Variants in KBTBD11 observed in about 807,000 individuals in gnomAD.
The protein encoded by KBTBD11 is kelch repeat and BTB domain-containing protein 11.
For synonymous variants in KBTBD11, 747 were observed against 499.0 expected (o/e 1.50, Z -6.63); for missense variants, 1,390 against 1,001.8 (o/e 1.39, Z -5.23).
rs1369516957 is a variant in KBTBD11 at position 2,002,734 on chromosome 8, G to A, written c.1542G>A (p.Ala514=). Residue 514 remains alanine, a synonymous_variant, in exon 2 of 2, where the codon GCG becomes GCA. Transcript: ENST00000320248. This position sits in a 1 kb window ranked among gnomAD's most constrained non-coding sequence, Gnocchi z 4.1. The part of the protein sequence containing the change: ...RFDLSGSRGE[A]QAAGPSGVSV... ...ATCTGAGCGGCAGCCGCGGCGAGGC[G>A]CAGGCGGCGGGGCCGAGCGGGGTCA... is the stretch of plus-strand genomic sequence containing the variant. 1 of 1,503,476 alleles carries A rather than the reference G, an allele frequency of 6.7e-7. No homozygotes were observed. The allele number at this position is 1,503,476 out of a possible 1,614,324, so 93.1% of individuals were successfully genotyped here. A position where few individuals can be genotyped will look rare whatever the true frequency, so the allele number is the denominator to read the frequency against.
chr8:1,984,995 C>A (rs10098493), intron 1 of KBTBD11, among the ~76,000 whole-genome samples: 131,458 of 152,188 alleles, frequency 0.86, 57,660 homozygotes, highest in East Asian at 1. Flanking sequence ...GTGGAATGGC[C>A]TGGCAGTCTG....
intron 1 of KBTBD11, chr8:1,974,337 C>A (rs886663191): frequency 1.0e-6 from 1 of 984,716 alleles, no homozygotes; most frequent in Non-Finnish European, 1.2e-6. Flanking sequence ...CAGTCACCGC[C>A]CCCGCCGAGG....
At chr8:1,982,136 A>C (rs1816559097) in intron 1 of KBTBD11, among the ~76,000 whole-genome samples, 1 of 152,238 alleles carries the variant, frequency 6.6e-6, no homozygotes, top group Admixed American at 6.5e-5. Flanking sequence ...GGCAGGAGTT[A>C]AAAGTATAGA....
intron 1 of KBTBD11, chr8:1,974,813 C>A (rs575708168): frequency 2.3e-6 from 1 of 442,754 alleles, no homozygotes; most frequent in South Asian, 9.5e-5. Context: ...TCCCCCTCCA[C>A]CCACTCCAGT....
Position 2,002,949 on chromosome 8 carries a change from G to C in KBTBD11, c.1757G>C (p.Gly586Ala). Residue 586 changes from glycine (G) to alanine (A), a missense_variant, in exon 2 of 2, where the codon GGC (glycine) becomes GCC (alanine). Transcript: ENST00000320248. The surrounding 1 kb of genome is among the most constrained non-coding windows in gnomAD (Gnocchi z 4.1). The part of the protein sequence containing the change: ...AREGEAGGDA[G>A]QGGGFEALGA... ...GAAGGCGAGGCCGGCGGCGACGCAG[G>C]CCAGGGCGGCGGCTTCGAGGCGCTG... is the stretch of plus-strand genomic sequence containing the variant. 7.6e-7 allele frequency: 1 copy of C among 1,320,058 alleles called. No individual in the cohort carries two copies. 81.8% of individuals were successfully genotyped at this position (1,320,058 alleles called of 1,614,324 possible).
In KBTBD11 at chr8:2,003,145, T is replaced by TG. The variant is rs1817463190; in HGVS notation, c.*85dup. ...TTTGGGCCCGCGGAGGAGGACGTGG[T>TG]GGGGAGTCGGGGCCGCTGGCCACGC... On this transcript the variant is annotated 3_prime_UTR_variant, in exon 2 of 2. Transcript: ENST00000320248. The TG allele has an allele frequency of 8.0e-7, 1 of 1,246,974 alleles. No homozygotes were observed. The highest frequency in any genetic ancestry group is 1.6e-5 in the African/African-American group (1 of 64,120). The allele number at this position is 1,246,974 out of a possible 1,614,324, so 77.2% of individuals were successfully genotyped here.
In KBTBD11 at chr8:2,003,176, G is replaced by T; in HGVS notation, c.*112G>T. 8.0e-7 allele frequency: 1 copy of T among 1,244,080 alleles called. No homozygotes were observed. The highest frequency in any genetic ancestry group is 1.0e-6 in the Non-Finnish European group (1 of 986,166). The allele number at this position is 1,244,080 out of a possible 1,614,324, so 77.1% of individuals were successfully genotyped here. ...GTCGGGGCCGCTGGCCACGCTGGTG[G>T]TTTGGACACTTCGAAGGAGCCCCGA... On this transcript the variant is annotated 3_prime_UTR_variant, in exon 2 of 2. Transcript: ENST00000320248.
At chr8:1,993,226 C>T (rs1816982919) in intron 1 of KBTBD11, among the ~76,000 whole-genome samples, 1 of 152,118 alleles carries the variant, frequency 6.6e-6, no homozygotes, top group Non-Finnish European at 1.5e-5. Context: ...GGATTACAGT[C>T]ATGAGCCACC....
intron 1 of KBTBD11, among the ~76,000 whole-genome samples, chr8:1,984,923 A>G (rs1333920198): frequency 1.3e-5 from 2 of 152,200 alleles, no homozygotes; most frequent in Non-Finnish European, 2.9e-5. Context: ...GCAAAGCCCA[A>G]CATAAGGGTG....
Position 1,994,095 on chromosome 8 carries a change from C to G in KBTBD11, c.-908-6190C>G, listed in dbSNP as rs377530798. ...ATACTTCGTTTACCGGCCTACGGAG[C>G]TTAGACTTCAAGAATATCTATTGTA... On this transcript the variant is annotated intron_variant, in intron 1 of 1. Transcript: ENST00000320248. Among the ~76,000 whole-genome samples, 17 of 152,240 alleles carry G rather than the reference C, an allele frequency of 1.1e-4. No homozygotes were observed. In the East Asian group the frequency reaches 3.3e-3, roughly 29 times the overall value.
chr8:1,977,649 G>C (rs1373250086), intron 1 of KBTBD11, among the ~76,000 whole-genome samples: 1 of 151,870 alleles, frequency 6.6e-6, no homozygotes, highest in East Asian at 1.9e-4. Context: ...TCAGTCTCTC[G>C]AGTAGCTGGG....
At position 2,006,347 on chromosome 8, in the gene KBTBD11, G is replaced by C. The variant is rs1359865051; in HGVS notation, c.*3283G>C. 6 of 167,032 alleles carry C rather than the reference G, an allele frequency of 3.6e-5. No individual in the cohort carries two copies. Among genetic ancestry groups the C allele is most frequent in the Non-Finnish European group, 8.8e-5 (6 of 68,112 alleles). 10.3% of individuals were successfully genotyped at this position (167,032 alleles called of 1,614,324 possible). A position where few individuals can be genotyped will look rare whatever the true frequency, so the allele number is the denominator to read the frequency against. On this transcript the variant is annotated 3_prime_UTR_variant, in exon 2 of 2. Transcript: ENST00000320248. ...CATAATCTCTTGTAAGATCTAAATAGAGCAAATGTAAACAAAAGTGCATTT... is the reference window on the plus strand; with the variant it reads ...CATAATCTCTTGTAAGATCTAAATACAGCAAATGTAAACAAAAGTGCATTT...
intron 1 of KBTBD11, among the ~76,000 whole-genome samples, chr8:1,991,613 C>T (rs73538631): frequency 0.013 from 2,048 of 152,252 alleles, 72 homozygotes; most frequent in African/African-American, 0.047. Context: ...AGAGGCTTTG[C>T]TCTCCCCACA....
At chr8:1,974,876 A>G (rs1190829904) in intron 1 of KBTBD11, 1 of 220,490 alleles carries the variant, frequency 4.5e-6, no homozygotes, top group Non-Finnish European at 7.7e-6. Flanking sequence ...GCTTTATTCT[A>G]CTCAGCCCAC....
chr8:1,990,278 ATGC>A (rs1418732741), intron 1 of KBTBD11, among the ~76,000 whole-genome samples: 1 of 115,064 alleles, frequency 8.7e-6, no homozygotes. Context: ...GTCTGGGTAG[ATGC>A]TGCTGGGCCT....
At chr8:1,978,462 C>A (rs1461621614) in intron 1 of KBTBD11, among the ~76,000 whole-genome samples, 1 of 152,206 alleles carries the variant, frequency 6.6e-6, no homozygotes, top group Non-Finnish European at 1.5e-5. Context: ...CCCTCGGGGA[C>A]CTTCCCCTGT....
rs1817578952 is a variant in KBTBD11, at chr8:2,006,572, A to G, written c.*3508A>G. 6.0e-6 allele frequency: 1 copy of G among 167,064 alleles called. No individual in the cohort carries two copies. 10.3% of individuals were successfully genotyped at this position (167,064 alleles called of 1,614,324 possible). ...GCCACATCATTTCCACGTTTTCCACATCCGGGAGGAAGCCTGGACTGTGCA... is the reference window on the plus strand; with the variant it reads ...GCCACATCATTTCCACGTTTTCCACGTCCGGGAGGAAGCCTGGACTGTGCA... On this transcript the variant is annotated 3_prime_UTR_variant, in exon 2 of 2. Coordinates refer to ENST00000320248, the MANE Select transcript of KBTBD11 (RefSeq NM_014867.3).
At position 2,002,368 on chromosome 8, in the gene KBTBD11, GA is replaced by G; in HGVS notation, c.1177del (p.Ser393AlafsTer3). 1 of 1,476,348 alleles carries G rather than the reference GA, an allele frequency of 6.8e-7. No homozygotes were observed. Among genetic ancestry groups the G allele is most frequent in the Non-Finnish European group, 8.9e-7 (1 of 1,119,564 alleles). The allele number at this position is 1,476,348 out of a possible 1,614,324, so 91.5% of individuals were successfully genotyped here. Reference sequence around the variant, plus strand: ...GCTACAACCCGGCCACGGACAGCTGGAGCGCCGTGAGGCCCCTGCGCCAGGC... The same window carrying G: ...GCTACAACCCGGCCACGGACAGCTGGGCGCCGTGAGGCCCCTGCGCCAGGC... The part of the protein sequence containing the change: ...FCYNPATDSW[S>X]AVRPLRQARS... On this transcript the variant is annotated frameshift_variant, in exon 2 of 2. Coordinates refer to ENST00000320248, the MANE Select transcript of KBTBD11 (RefSeq NM_014867.3). LOFTEE classifies it low-confidence loss of function (END_TRUNC). The surrounding 1 kb of genome is among the most constrained non-coding windows in gnomAD (Gnocchi z 4.1).
chr8:2,000,968 C>A lies in KBTBD11; in HGVS notation c.-225C>A, dbSNP rs1817320007. On this transcript the variant is annotated 5_prime_UTR_variant, in exon 2 of 2. Transcript: ENST00000320248. Reference sequence around the variant, plus strand: ...TCAGAAGTTCAGCAAGTCGGACACACCCCTCCTCGCTGGAGAGGAGAGGGC... The same window carrying A: ...TCAGAAGTTCAGCAAGTCGGACACAACCCTCCTCGCTGGAGAGGAGAGGGC... The A allele has an allele frequency of 6.5e-6, 3 of 465,062 alleles. No homozygotes were observed. The highest frequency in any genetic ancestry group is 5.8e-4 in the Middle Eastern group (1 of 1,720). The allele number at this position is 465,062 out of a possible 1,614,324, so 28.8% of individuals were successfully genotyped here.
Sources: allele counts gnomAD v4.1 joint callset (sites outside exome capture counted in the v4.1 genomes callset), GRCh38; gene constraint gnomAD v4.1.1; non-coding constraint Gnocchi (gnomAD v3.1); transcripts MANE v1.5; gene names NCBI Gene and HGNC (gene_info 2026-07-23, HGNC 2026-07-21).